Variants in DOCK4 observed in about 807,000 individuals in gnomAD.
The protein encoded by DOCK4 is dedicator of cytokinesis 4, also known as dedicator of cytokinesis protein 4.
Under a neutral mutation model 268.1 loss-of-function variants are expected in DOCK4, and 97 were observed. The ratio of observed to expected loss-of-function variants is 0.36; its 90% CI spans 0.31 to 0.43. The LOEUF is 0.43. DOCK4 is among the 20% of genes least tolerant of loss of function. The pLI, the probability that DOCK4 is intolerant of heterozygous loss-of-function variation, is 1.00. For missense variants in DOCK4, 2,145 were observed against 2,455.7 expected, an observed-to-expected ratio of 0.87 and a Z score of 2.67; for synonymous variants, 954 against 887.2, an observed-to-expected ratio of 1.08 and a Z score of -1.34.
chr7:111,809,530 G>C (rs540898341), intron 28 of DOCK4, 129 bp from the exon 29 acceptor site: 154 of 679,908 alleles, frequency 2.3e-4, no homozygotes, highest in South Asian at 1.7e-3. Flanking sequence ...ACCATGAGTT[G>C]ATAATAGTTG....
intron 8 of DOCK4, among the ~76,000 whole-genome samples, chr7:111,969,359 T>C (rs1247902063): frequency 1.3e-5 from 2 of 150,970 alleles, no homozygotes; most frequent in East Asian, 3.9e-4. Context: ...ATGCTCATTC[T>C]GTGATTCCAG....
At chr7:111,893,499 G>A (rs1364713649) in intron 16 of DOCK4, among the ~76,000 whole-genome samples, 1 of 152,154 alleles carries the variant, frequency 6.6e-6, no homozygotes, top group Non-Finnish European at 1.5e-5. Context: ...TCTGAGCTAA[G>A]ATTTAATGTT....
chr7:112,191,036 C>T (rs954233405), intron 1 of DOCK4, among the ~76,000 whole-genome samples: 1 of 152,072 alleles, frequency 6.6e-6, no homozygotes, highest in Admixed American at 6.5e-5. Flanking sequence ...TTTTTTCTAG[C>T]CCCCTACCTT....
At chr7:112,159,010 C>A (rs1816854012) in intron 1 of DOCK4, among the ~76,000 whole-genome samples, 1 of 152,204 alleles carries the variant, frequency 6.6e-6, no homozygotes. Context: ...AAGTGGCCTG[C>A]TCTGTGTTGG....
rs572519706 is a variant in DOCK4, at chr7:112,065,916, A to T, written c.38-61785T>A. Among the ~76,000 whole-genome samples the T allele has an allele frequency of 2.6e-5, 4 of 152,298 alleles. No homozygotes were observed. In the East Asian group the frequency reaches 7.7e-4, roughly 29 times the overall value. On this transcript the variant is annotated intron_variant, in intron 1 of 52. Transcript: ENST00000428084. ...TGGAGCTTCTGTCCAAGGATCAAAA[A>T]ACATAAGGGAGGGCCATGGCATTAC...
intron 8 of DOCK4, among the ~76,000 whole-genome samples, chr7:111,958,529 A>G (rs886589614): frequency 1.3e-5 from 2 of 152,204 alleles, no homozygotes; most frequent in Admixed American, 1.3e-4. Context: ...CTTTTAAAAC[A>G]CAGGCATAGG....
At chr7:111,752,768 A>G (rs1796756593) in intron 42 of DOCK4, among the ~76,000 whole-genome samples, 1 of 151,512 alleles carries the variant, frequency 6.6e-6, no homozygotes, top group Non-Finnish European at 1.5e-5. Flanking sequence ...TTGTATTTTT[A>G]GTACAGACGG....
At chr7:111,986,826 T>C (rs1799090593) in intron 6 of DOCK4, among the ~76,000 whole-genome samples, 1 of 152,194 alleles carries the variant, frequency 6.6e-6, no homozygotes, top group Admixed American at 6.5e-5. Context: ...GCTTCCCACA[T>C]CAAGAGGGCT....
At chr7:112,192,588 C>T (rs1820057633) in intron 1 of DOCK4, among the ~76,000 whole-genome samples, 1 of 152,116 alleles carries the variant, frequency 6.6e-6, no homozygotes, top group African/African-American at 2.4e-5. Context: ...AACTTTCACA[C>T]TGATTTATCT....
At position 111,741,221 on chromosome 7, in the gene DOCK4, CA is replaced by C. The variant is rs1236778383; in HGVS notation, c.4920-8del. ...AGCTGGGTAACTTAACGGGCTGTTT[CA>C]GGGGGAAAAAAAAGGTCATTAACTC... On this transcript the variant is annotated splice_region_variant and splice_polypyrimidine_tract_variant and intron_variant, in intron 46 of 52. Coordinates refer to ENST00000428084, the MANE Select transcript of DOCK4 (RefSeq NM_001363540.2). 17 of 1,609,378 alleles carry C rather than the reference CA, an allele frequency of 1.1e-5. No homozygotes were observed. The highest frequency in any genetic ancestry group is 2.2e-5 in the East Asian group (1 of 44,870).
intron 1 of DOCK4, among the ~76,000 whole-genome samples, chr7:112,017,843 A>T (rs866958729): frequency 2.6e-5 from 4 of 152,114 alleles, no homozygotes; most frequent in Admixed American, 6.6e-5. Context: ...AGCCCAGGTC[A>T]GCCATTCTTC....
intron 8 of DOCK4, among the ~76,000 whole-genome samples, chr7:111,952,086 T>C (rs552253956): frequency 2.5e-4 from 38 of 149,042 alleles, no homozygotes; most frequent in African/African-American, 9.4e-4. Context: ...GCAAAGTCCC[T>C]GTCTGCGAAA....
chr7:111,927,118 C>A (rs1449055541), intron 12 of DOCK4, among the ~76,000 whole-genome samples: 1 of 152,194 alleles, frequency 6.6e-6, no homozygotes, highest in Non-Finnish European at 1.5e-5. Context: ...ACCATAGGCT[C>A]ACTGTCTGAA....
chr7:112,027,747 AAAAG>A (rs1347331431), intron 1 of DOCK4, among the ~76,000 whole-genome samples: 1 of 152,226 alleles, frequency 6.6e-6, no homozygotes, highest in Non-Finnish European at 1.5e-5. Flanking sequence ...GAAAATAGAA[AAAAG>A]AAAGGGACTG....
In DOCK4 at chr7:112,021,646, C is replaced by A. The variant is rs567387188; in HGVS notation, c.38-17515G>T. On this transcript the variant is annotated intron_variant, in intron 1 of 52. Coordinates refer to ENST00000428084, the MANE Select transcript of DOCK4 (RefSeq NM_001363540.2). The stretch of plus-strand genomic sequence containing the variant: ...ATTTCCATGAATTCTCCCATGTCTC[C>A]TCTGAAGCTAATTTTCCCCATCTTT... 3.3e-5 allele frequency among the ~76,000 whole-genome samples: 5 copies of A among 152,350 alleles called. No homozygotes were observed. The East Asian group carries it at 9.6e-4, about 29-fold the overall frequency.
intron 1 of DOCK4, among the ~76,000 whole-genome samples, chr7:112,039,373 T>TTG (rs1804148359): frequency 8.2e-6 from 1 of 122,318 alleles, no homozygotes; most frequent in African/African-American, 3.1e-5. Flanking sequence ...GGATTTCATA[T>TTG]GGGGGGGGGG....
intron 30 of DOCK4, among the ~76,000 whole-genome samples, chr7:111,798,578 C>T (rs1174264395): frequency 6.6e-6 from 1 of 152,164 alleles, no homozygotes; most frequent in African/African-American, 2.4e-5. Flanking sequence ...AAAAAGCCTC[C>T]AAGTTAACCC....
intron 14 of DOCK4, among the ~76,000 whole-genome samples, chr7:111,901,460 A>T (rs1275741059): frequency 1.3e-5 from 2 of 152,082 alleles, no homozygotes; most frequent in African/African-American, 4.8e-5. Flanking sequence ...CAGCATGAAG[A>T]CTGCGTTTTT....
intron 30 of DOCK4, among the ~76,000 whole-genome samples, chr7:111,796,912 G>A (rs1461561049): frequency 6.6e-6 from 1 of 152,228 alleles, no homozygotes; most frequent in Admixed American, 6.5e-5. Context: ...CTTCAACCAT[G>A]GGCAGCACGT....
Sources: allele counts gnomAD v4.1 joint callset (sites outside exome capture counted in the v4.1 genomes callset), GRCh38; gene constraint gnomAD v4.1.1; transcripts MANE v1.5; gene names NCBI Gene and HGNC (gene_info 2026-07-23, HGNC 2026-07-21).